The following AFG2A variants were observed in gnomAD, a reference collection of about 807,000 sequenced individuals.
AFG2A encodes the protein AAA ATPase AFG2A.
chr4:122,932,674 G>A, the AFG2A span, among the ~76,000 whole-genome samples: 4 of 151,956 alleles, frequency 2.6e-5, no homozygotes, highest in Non-Finnish European at 5.9e-5. Flanking sequence ...TGATATTTAG[G>A]TGTGTTCACT....
chr4:123,149,879 C>T, the AFG2A span, among the ~76,000 whole-genome samples: 1 of 141,302 alleles, frequency 7.1e-6, no homozygotes, highest in Non-Finnish European at 1.5e-5. Flanking sequence ...GATCTCTGCT[C>T]ACTGCAACCT....
At chr4:123,147,395 G>A in the AFG2A span, among the ~76,000 whole-genome samples, 1 of 152,006 alleles carries the variant, frequency 6.6e-6, no homozygotes, top group Non-Finnish European at 1.5e-5. Context: ...TGGCACTAAA[G>A]CCATCTATTA....
the AFG2A span, among the ~76,000 whole-genome samples, chr4:123,284,515 A>G: frequency 6.6e-6 from 1 of 152,220 alleles, no homozygotes; most frequent in East Asian, 1.9e-4. Flanking sequence ...GTGTAATATA[A>G]TCATCAGTGG....
At chr4:123,082,737 A>T in the AFG2A span, among the ~76,000 whole-genome samples, 1 of 151,936 alleles carries the variant, frequency 6.6e-6, no homozygotes. Flanking sequence ...GATTGCATTG[A>T]ATCTGTGGAT....
chr4:123,276,862 C>G, the AFG2A span, among the ~76,000 whole-genome samples: 1 of 152,048 alleles, frequency 6.6e-6, no homozygotes, highest in African/African-American at 2.4e-5. Flanking sequence ...GTACCAGTAT[C>G]GTGTTGTTTT....
At chr4:122,972,905 G>T in the AFG2A span, among the ~76,000 whole-genome samples, 7 of 151,918 alleles carry the variant, frequency 4.6e-5, no homozygotes, top group Non-Finnish European at 8.8e-5. Context: ...TTTTGATGTT[G>T]TTTTTTAATA....
the AFG2A span, among the ~76,000 whole-genome samples, chr4:123,302,864 C>T: frequency 6.6e-6 from 1 of 152,204 alleles, no homozygotes. Context: ...AACATTTGCA[C>T]TGAACCTTGA....
the AFG2A span, among the ~76,000 whole-genome samples, chr4:123,169,146 G>C: frequency 6.6e-6 from 1 of 152,168 alleles, no homozygotes; most frequent in Admixed American, 6.5e-5. Flanking sequence ...GTAAGTGAGG[G>C]CTCAAGTGAA....
chr4:123,065,386 G>A, the AFG2A span, among the ~76,000 whole-genome samples: 2 of 152,140 alleles, frequency 1.3e-5, no homozygotes, highest in African/African-American at 4.8e-5. Context: ...TTCTTCATCT[G>A]TAAAGTGGAG....
the AFG2A span, among the ~76,000 whole-genome samples, chr4:122,974,030 G>A: frequency 3.9e-5 from 6 of 152,004 alleles, no homozygotes; most frequent in African/African-American, 7.3e-5. Context: ...TCTTGCCTTT[G>A]TTTTCCTCCT....
chr4:123,018,516 C>G, the AFG2A span, among the ~76,000 whole-genome samples: 6 of 152,164 alleles, frequency 3.9e-5, no homozygotes, highest in Admixed American at 3.3e-4. Context: ...AGTGAAACAG[C>G]TAGCTTTTGA....
At chr4:122,986,898 G>A in the AFG2A span, among the ~76,000 whole-genome samples, 1 of 152,078 alleles carries the variant, frequency 6.6e-6, no homozygotes, top group African/African-American at 2.4e-5. Context: ...TTGATGATTT[G>A]CCATTGTTGA....
chr4:123,142,735 AC>A, the AFG2A span, among the ~76,000 whole-genome samples: 1 of 152,144 alleles, frequency 6.6e-6, no homozygotes, highest in East Asian at 1.9e-4. Flanking sequence ...GTACTTCTTT[AC>A]CTAATACAGG....
the AFG2A span, among the ~76,000 whole-genome samples, chr4:122,938,901 G>T: frequency 6.6e-6 from 1 of 151,626 alleles, no homozygotes; most frequent in Non-Finnish European, 1.5e-5. Context: ...GGCCTTAGGG[G>T]TTTTTATTAA....
the AFG2A span, among the ~76,000 whole-genome samples, chr4:123,279,741 G>A: frequency 6.6e-6 from 1 of 152,170 alleles, no homozygotes; most frequent in African/African-American, 2.4e-5. Flanking sequence ...CAATGTAGAT[G>A]TCAGCACATA....
At chr4:123,190,437 T>C in the AFG2A span, among the ~76,000 whole-genome samples, 1 of 152,198 alleles carries the variant, frequency 6.6e-6, no homozygotes, top group Non-Finnish European at 1.5e-5. Flanking sequence ...TCTGATTTCA[T>C]GGTTGTGGTG....
chr4:123,154,619 A>G, the AFG2A span, among the ~76,000 whole-genome samples: 11 of 152,254 alleles, frequency 7.2e-5, no homozygotes, highest in African/African-American at 2.7e-4. Context: ...ATATTCAACC[A>G]ATCCTAGCTT....
the AFG2A span, among the ~76,000 whole-genome samples, chr4:123,049,958 C>A: frequency 6.7e-6 from 1 of 149,574 alleles, no homozygotes; most frequent in African/African-American, 2.5e-5. Context: ...AGGCTTTAAA[C>A]TTCCCTCTTA....
the AFG2A span, among the ~76,000 whole-genome samples, chr4:123,210,776 G>A: frequency 1.3e-5 from 2 of 151,944 alleles, no homozygotes; most frequent in Non-Finnish European, 2.9e-5. Flanking sequence ...GCTGTTTTCT[G>A]TAATTGCTTA....
Sources: allele counts gnomAD v4.1 joint callset (sites outside exome capture counted in the v4.1 genomes callset), GRCh38; gene constraint gnomAD v4.1.1; transcripts MANE v1.5; gene names NCBI Gene and HGNC (gene_info 2026-07-23, HGNC 2026-07-21).